The following ROBO2 variants were observed in gnomAD, a reference collection of about 807,000 sequenced individuals.
ROBO2 encodes the protein roundabout homolog 2.
In ROBO2, 53 loss-of-function variants were observed where a neutral mutation model predicts 160.8. That is an observed-to-expected ratio of 0.33 (90% CI 0.26 to 0.41). ROBO2 has a LOEUF of 0.41. Ranked by LOEUF, ROBO2 falls within the 10% of genes least tolerant of loss-of-function variation. ROBO2 has a pLI of 1.00. For missense variants in ROBO2, 1,577 were observed against 1,722.4 expected (o/e 0.92, Z 1.49); for synonymous variants, 664 against 611.7 (o/e 1.09, Z -1.26).
intron 2 of ROBO2, among the ~76,000 whole-genome samples, chr3:76,125,219 T>C (rs1355698523): frequency 6.6e-6 from 1 of 152,174 alleles, no homozygotes; most frequent in Non-Finnish European, 1.5e-5. Context: ...GGTGTGTATG[T>C]ACCACAATTT....
At chr3:77,083,079 C>T (rs1199944610) in intron 1 of ROBO2, among the ~76,000 whole-genome samples, 1 of 152,100 alleles carries the variant, frequency 6.6e-6, no homozygotes, top group Admixed American at 6.6e-5. Flanking sequence ...CTCTGCATCT[C>T]ATTTCTCCCC....
chr3:76,639,451 T>G (rs1377460463), intron 2 of ROBO2, among the ~76,000 whole-genome samples: 1 of 135,632 alleles, frequency 7.4e-6, no homozygotes, highest in East Asian at 2.1e-4. Flanking sequence ...TATATAAGTG[T>G]ACCTACACTC....
chr3:77,278,555 G>A (rs1205277378), intron 2 of ROBO2, among the ~76,000 whole-genome samples: 2 of 151,988 alleles, frequency 1.3e-5, no homozygotes, highest in East Asian at 3.9e-4. Flanking sequence ...TAGAATCCAG[G>A]TACAGTGTTA....
intron 2 of ROBO2, among the ~76,000 whole-genome samples, chr3:77,313,710 G>A (rs769730960): frequency 8.5e-5 from 13 of 152,082 alleles, no homozygotes; most frequent in Non-Finnish European, 1.8e-4. Flanking sequence ...TCAACCTCCC[G>A]AGTAGTTAGG....
intron 2 of ROBO2, among the ~76,000 whole-genome samples, chr3:76,902,359 A>C (rs768439306): frequency 1.3e-5 from 2 of 152,034 alleles, no homozygotes; most frequent in African/African-American, 2.4e-5. Context: ...TAAGTTTATT[A>C]GTTGTTTTGA....
At chr3:76,692,419 G>GA (rs1255283341) in intron 2 of ROBO2, among the ~76,000 whole-genome samples, 1 of 152,096 alleles carries the variant, frequency 6.6e-6, no homozygotes, top group African/African-American at 2.4e-5. Context: ...CAAAATCGCT[G>GA]ACTCCCAAGG....
At chr3:76,571,896 G>A (rs2084979588) in intron 2 of ROBO2, among the ~76,000 whole-genome samples, 1 of 152,258 alleles carries the variant, frequency 6.6e-6, no homozygotes, top group Non-Finnish European at 1.5e-5. Flanking sequence ...CATTCTAAAA[G>A]TGTTGAATTT....
At chr3:76,903,729 G>T (rs2075391297) in intron 2 of ROBO2, among the ~76,000 whole-genome samples, 1 of 152,102 alleles carries the variant, frequency 6.6e-6, no homozygotes, top group South Asian at 2.1e-4. Context: ...ACATGGGATT[G>T]CTATTGATTA....
chr3:76,738,004 C>A (rs1262120495), intron 2 of ROBO2, among the ~76,000 whole-genome samples: 1 of 151,978 alleles, frequency 6.6e-6, no homozygotes, highest in Non-Finnish European at 1.5e-5. Flanking sequence ...TGGGATGGCA[C>A]ATGCCTGTAG....
intron 2 of ROBO2, among the ~76,000 whole-genome samples, chr3:77,321,269 C>T (rs977135081): frequency 3.3e-5 from 5 of 152,024 alleles, no homozygotes; most frequent in African/African-American, 1.2e-4. Context: ...TTAAACCCAG[C>T]ACTTTAAGAG....
chr3:77,332,941 G>A (rs2066128374), intron 2 of ROBO2, among the ~76,000 whole-genome samples: 1 of 152,134 alleles, frequency 6.6e-6, no homozygotes, highest in Admixed American at 6.5e-5. Context: ...AGAAAACCCG[G>A]ATGCGCTTCC....
Position 77,546,372 on chromosome 3 carries a change from G to C in ROBO2, c.969G>C (p.Gln323His), listed in dbSNP as rs760104008. 4.3e-6 allele frequency: 7 copies of C among 1,613,274 alleles called. No individual in the cohort carries two copies. In the South Asian group the frequency reaches 6.6e-5, roughly 15 times the overall value. Residue 323 changes from glutamine (Q) to histidine (H), a missense_variant, in exon 7 of 26, where the codon CAG (glutamine) becomes CAC (histidine). Around this residue, in one of 2 missense-constraint regions of ROBO2, gnomAD observed 940 missense variants for 1,135.5 expected, o/e 0.83. Transcript: ENST00000461745. ...AGTTTGTGGTTCGGCCAAGAGATCA[G>C]ATTGTTGCTCAAGGTCGAACAGTGA...
At chr3:76,923,062 T>C (rs1197475434) in intron 2 of ROBO2, among the ~76,000 whole-genome samples, 1 of 152,208 alleles carries the variant, frequency 6.6e-6, no homozygotes, top group Non-Finnish European at 1.5e-5. Flanking sequence ...TATTTCTGTT[T>C]CAAGCTGTCA....
intron 2 of ROBO2, among the ~76,000 whole-genome samples, chr3:76,579,530 GA>G (rs1008650098): frequency 1.3e-5 from 2 of 151,804 alleles, no homozygotes; most frequent in Non-Finnish European, 2.9e-5. Context: ...TAATTCTACA[GA>G]AAAAAACACA....
chr3:76,146,390 CT>C (rs1459173248), intron 2 of ROBO2, among the ~76,000 whole-genome samples: 1 of 151,812 alleles, frequency 6.6e-6, no homozygotes, highest in Non-Finnish European at 1.5e-5. Flanking sequence ...TCCCCTATAT[CT>C]CTACTCATTT....
chr3:76,716,460 G>A (rs1259880071), intron 2 of ROBO2, among the ~76,000 whole-genome samples: 1 of 152,108 alleles, frequency 6.6e-6, no homozygotes, highest in African/African-American at 2.4e-5. Context: ...AAAAATCTCT[G>A]CCCTTAGATA....
At chr3:77,443,687 T>G (rs2080183188) in intron 2 of ROBO2, among the ~76,000 whole-genome samples, 1 of 152,226 alleles carries the variant, frequency 6.6e-6, no homozygotes, top group Admixed American at 6.5e-5. Flanking sequence ...TAATTTCTAA[T>G]TTAACATCTT....
chr3:76,859,969 G>A (rs1008540439), intron 2 of ROBO2, among the ~76,000 whole-genome samples: 1 of 152,156 alleles, frequency 6.6e-6, no homozygotes, highest in Non-Finnish European at 1.5e-5. Context: ...ACTTCTTGTT[G>A]CTGGTATTAT....
intron 6 of ROBO2, among the ~76,000 whole-genome samples, chr3:77,541,580 T>C (rs973877754): frequency 2.0e-5 from 3 of 152,236 alleles, no homozygotes; most frequent in Non-Finnish European, 2.9e-5. Flanking sequence ...TCTACTTCTC[T>C]GGAAATCACA....
Sources: allele counts gnomAD v4.1 joint callset (sites outside exome capture counted in the v4.1 genomes callset), GRCh38; gene constraint gnomAD v4.1.1; regional missense constraint gnomAD v4.1.1; transcripts MANE v1.5; gene names NCBI Gene and HGNC (gene_info 2026-07-23, HGNC 2026-07-21).